Variants in DTNB observed in about 807,000 individuals in gnomAD.
The protein encoded by DTNB is DTN-B.
A neutral mutation model predicts 90.7 loss-of-function variants in DTNB; 63 were observed. The observed-to-expected ratio is 0.69, with a 90% CI of 0.57 to 0.86. The LOEUF (loss-of-function observed/expected upper bound fraction) is 0.86. Among genes scored for constraint, DTNB ranks in the 40% least tolerant of loss-of-function variants. The probability of loss-of-function intolerance (pLI) is 0.00; values close to 1 mark genes in which losing one functional copy is unlikely to be tolerated. For missense variants in DTNB, 744 were observed against 807.1 expected, an observed-to-expected ratio of 0.92 and a Z score of 0.95; for synonymous variants, 277 against 286.7, an observed-to-expected ratio of 0.97 and a Z score of 0.34.
chr2:25,561,372 A>T (rs965084314), intron 8 of DTNB, among the ~76,000 whole-genome samples: 3 of 152,224 alleles, frequency 2.0e-5, no homozygotes, highest in Admixed American at 6.5e-5. Flanking sequence ...GACTGGTCTG[A>T]AGCTGAATTC....
rs540077946 is a variant in DTNB, at chr2:25,404,194, C to T, written c.1575+15321G>A. Among the ~76,000 whole-genome samples the T allele has an allele frequency of 1.3e-3, 193 of 152,220 alleles. 2 individuals are homozygous for T. Among genetic ancestry groups the T allele is most frequent in the Middle Eastern group, 6.8e-3 (2 of 294 alleles). On this transcript the variant is annotated intron_variant, in intron 16 of 20. Coordinates refer to ENST00000406818, the MANE Select transcript of DTNB (RefSeq NM_021907.5). ...ATCTCCACTCTCAGCAGGCCTATCCCGAGGGAGTCAGGTACGTATGCAACC... is the reference window on the plus strand; with the variant it reads ...ATCTCCACTCTCAGCAGGCCTATCCTGAGGGAGTCAGGTACGTATGCAACC...
At chr2:25,636,006 A>G (rs1320159272) in intron 3 of DTNB, among the ~76,000 whole-genome samples, 2 of 152,240 alleles carry the variant, frequency 1.3e-5, no homozygotes, top group African/African-American at 4.8e-5. Flanking sequence ...ATTCTTGTAC[A>G]GATTCATGAA....
chr2:25,536,871 T>G (rs374327874), intron 8 of DTNB, among the ~76,000 whole-genome samples: 1 of 151,954 alleles, frequency 6.6e-6, no homozygotes. Context: ...GCCTCCTGAG[T>G]TGCTGGGACT....
At chr2:25,504,812 A>G (rs2071945807) in intron 9 of DTNB, among the ~76,000 whole-genome samples, 1 of 152,208 alleles carries the variant, frequency 6.6e-6, no homozygotes. Flanking sequence ...GATTCAGTAC[A>G]ATTCCTAACA....
intron 8 of DTNB, among the ~76,000 whole-genome samples, chr2:25,560,462 A>C (rs2058087088): frequency 6.6e-6 from 1 of 152,252 alleles, no homozygotes; most frequent in South Asian, 2.1e-4. Context: ...AGGCTGACCC[A>C]GCCCTGAATA....
rs556656827 is a variant in DTNB at position 25,458,867 on chromosome 2, G to A, written c.1080-3373C>T. Among the ~76,000 whole-genome samples, 14 of 152,098 alleles carry A rather than the reference G, an allele frequency of 9.2e-5. No individual in the cohort carries two copies. The South Asian group carries it at 2.5e-3, about 27-fold the overall frequency. On this transcript the variant is annotated intron_variant, in intron 10 of 20. Transcript: ENST00000406818. ...TCACCGTGTTAGCCAGGATGGTCTC[G>A]ATCTCCCGACCTCGTGATCCGCCTG...
At chr2:25,504,554 CAGAAAGAA>C (rs145795119) in intron 9 of DTNB, among the ~76,000 whole-genome samples, 376 of 111,086 alleles carry the variant, frequency 3.4e-3, no homozygotes, top group African/African-American at 5.6e-3. Context: ...GAAGGCAAGG[CAGAAAGAA>C]AGAAAGAAAG....
At chr2:25,570,429 A>G (rs1002324623) in intron 8 of DTNB, among the ~76,000 whole-genome samples, 19 of 149,640 alleles carry the variant, frequency 1.3e-4, no homozygotes, top group Middle Eastern at 3.5e-3. Context: ...AAAAAAAAAA[A>G]AAGAAGAAAA....
chr2:25,534,566 G>A lies in DTNB; in HGVS notation c.877-2969C>T, dbSNP rs184546613. 5.3e-5 allele frequency among the ~76,000 whole-genome samples: 8 copies of A among 150,870 alleles called. No individual in the cohort carries two copies. In the East Asian group the frequency reaches 9.8e-4, roughly 19 times the overall value. On this transcript the variant is annotated intron_variant, in intron 8 of 20. Transcript: ENST00000406818. Reference sequence around the variant, plus strand: ...CCAGATGGGGCGGCCTGGCAGAGGCGCTCCTTCACTTCCCAGACGGGGCGG... The same window carrying A: ...CCAGATGGGGCGGCCTGGCAGAGGCACTCCTTCACTTCCCAGACGGGGCGG...
chr2:25,426,012 G>A (rs1436945840), intron 15 of DTNB, among the ~76,000 whole-genome samples: 2 of 152,152 alleles, frequency 1.3e-5, no homozygotes, highest in African/African-American at 4.8e-5. Flanking sequence ...AGGTTACAGT[G>A]AGCTATGATC....
chr2:25,601,505 A>T (rs1226726377), intron 5 of DTNB, among the ~76,000 whole-genome samples: 2 of 152,136 alleles, frequency 1.3e-5, no homozygotes, highest in African/African-American at 2.4e-5. Flanking sequence ...ATCATCACAT[A>T]TGTCTTGATT....
intron 4 of DTNB, among the ~76,000 whole-genome samples, chr2:25,619,164 C>T (rs953242470): frequency 2.0e-5 from 3 of 152,054 alleles, no homozygotes; most frequent in Non-Finnish European, 2.9e-5. Flanking sequence ...AACAAGACTA[C>T]GGGTAGTATT....
intron 4 of DTNB, among the ~76,000 whole-genome samples, chr2:25,610,568 C>T (rs943274701): frequency 1.3e-5 from 2 of 152,068 alleles, no homozygotes; most frequent in Non-Finnish European, 2.9e-5. Context: ...AAAATGTTCC[C>T]TCATGAACAT....
intron 9 of DTNB, among the ~76,000 whole-genome samples, chr2:25,493,705 T>C (rs958411229): frequency 1.3e-5 from 2 of 152,204 alleles, no homozygotes; most frequent in Non-Finnish European, 2.9e-5. Flanking sequence ...TTGGCCATAG[T>C]ATGCAAACAA....
chr2:25,573,183 A>G (rs1254855700), intron 8 of DTNB, among the ~76,000 whole-genome samples: 31 of 152,010 alleles, frequency 2.0e-4, no homozygotes, highest in Non-Finnish European at 2.9e-5. Flanking sequence ...CTGACCTCAG[A>G]TATCTGCCCG....
intron 16 of DTNB, among the ~76,000 whole-genome samples, chr2:25,409,537 A>T (rs1485959532): frequency 6.6e-6 from 1 of 152,214 alleles, no homozygotes; most frequent in African/African-American, 2.4e-5. Context: ...GTGGAGTGAC[A>T]TTATTTGACA....
In DTNB at chr2:25,434,094, A is replaced by G. The variant is rs2054871916; in HGVS notation, c.1258-99T>C. On this transcript the variant is annotated intron_variant, in intron 12 of 20. Transcript: ENST00000406818. ...TTTTAAAAAAGATTTTTGACATATAATTTACATATCATAAATCCACCCGTT... is the reference window on the plus strand; with the variant it reads ...TTTTAAAAAAGATTTTTGACATATAGTTTACATATCATAAATCCACCCGTT... The G allele has an allele frequency of 2.7e-6, 3 of 1,109,996 alleles. No individual in the cohort carries two copies. The Admixed American group carries it at 7.1e-5, about 26-fold the overall frequency. The allele number at this position is 1,109,996 out of a possible 1,614,324, so 68.8% of individuals were successfully genotyped here. A position where few individuals can be genotyped will look rare whatever the true frequency, so the allele number is the denominator to read the frequency against.
At chr2:25,504,379 GAAAGAAGGA>G (rs913365043) in intron 9 of DTNB, among the ~76,000 whole-genome samples, 3 of 141,008 alleles carry the variant, frequency 2.1e-5, no homozygotes, top group African/African-American at 8.6e-5. Flanking sequence ...GAGAAGGAAA[GAAAGAAGGA>G]AAGAAGGAAG....
intron 9 of DTNB, among the ~76,000 whole-genome samples, chr2:25,491,493 G>A (rs1271179382): frequency 6.6e-6 from 1 of 152,150 alleles, no homozygotes; most frequent in Non-Finnish European, 1.5e-5. Context: ...GCACCATGTT[G>A]CGGAATATAA....
Sources: allele counts gnomAD v4.1 joint callset (sites outside exome capture counted in the v4.1 genomes callset), GRCh38; gene constraint gnomAD v4.1.1; transcripts MANE v1.5; gene names NCBI Gene and HGNC (gene_info 2026-07-23, HGNC 2026-07-21).